The following PLAC8 variants were observed in gnomAD, a reference collection of about 807,000 sequenced individuals.
PLAC8 encodes placenta associated 8.
Under a neutral mutation model 12.6 loss-of-function variants are expected in PLAC8, and 6 were observed. The observed-to-expected ratio is 0.48, with a 90% CI of 0.26 to 0.94. The LOEUF (loss-of-function observed/expected upper bound fraction) is 0.94. PLAC8 is among the 40% of genes least tolerant of loss of function. The pLI is 0.14. For missense variants in PLAC8, 122 were observed against 152.7 expected (o/e 0.80, Z 1.06); for synonymous variants, 54 against 52.6 (o/e 1.03, Z -0.11).
chr4:83,110,284 G>C (rs368845361), intron 1 of PLAC8, among the ~76,000 whole-genome samples: 1 of 145,428 alleles, frequency 6.9e-6, no homozygotes, highest in East Asian at 2.0e-4. Context: ...TTATTAGATG[G>C]ACCCTGGATT....
At chr4:83,104,831 A>C in intron 3 of PLAC8, 65 bp downstream of exon 3, 2 of 1,527,380 alleles carry the variant, frequency 1.3e-6, no homozygotes, top group Admixed American at 1.7e-5. Flanking sequence ...AATGATCTCC[A>C]TGTTTATAAT....
At chr4:83,110,597 C>T (rs1408490904) in intron 1 of PLAC8, among the ~76,000 whole-genome samples, 3 of 152,222 alleles carry the variant, frequency 2.0e-5, no homozygotes, top group Non-Finnish European at 4.4e-5. Flanking sequence ...CCACGCTCTC[C>T]GCTTCCGGGC....
At chr4:83,101,787 A>G (rs976545750) in intron 3 of PLAC8, among the ~76,000 whole-genome samples, 4 of 152,210 alleles carry the variant, frequency 2.6e-5, no homozygotes, top group Non-Finnish European at 5.9e-5. Flanking sequence ...AGCCCTTAAG[A>G]ATTATTCTAA....
rs1056345556 is a variant in PLAC8 at position 83,090,893 on chromosome 4, T to C, written c.*88A>G. Reference sequence around the variant, plus strand: ...TTGTACTTAAGCATATCCATCATATTTCAGTTGCAAAAGATGGTGAAGAAC... The same window carrying C: ...TTGTACTTAAGCATATCCATCATATCTCAGTTGCAAAAGATGGTGAAGAAC... On this transcript the variant is annotated 3_prime_UTR_variant, in exon 5 of 5. Coordinates refer to ENST00000311507, the MANE Select transcript of PLAC8 (RefSeq NM_016619.3). 2.0e-5 allele frequency: 3 copies of C among 152,206 alleles called. No individual in the cohort carries two copies. The highest frequency in any genetic ancestry group is 7.2e-5 in the African/African-American group (3 of 41,452). 9.4% of individuals were successfully genotyped at this position (152,206 alleles called of 1,614,324 possible). A position where few individuals can be genotyped will look rare whatever the true frequency, so the allele number is the denominator to read the frequency against.
intron 4 of PLAC8, chr4:83,094,058 A>G (rs1176565318): frequency 1.3e-5 from 2 of 152,362 alleles, no homozygotes; most frequent in Admixed American, 1.3e-4. Context: ...GGAGTAAGTC[A>G]TGTTGATTTC....
chr4:83,101,311 C>T (rs547797178), intron 3 of PLAC8, among the ~76,000 whole-genome samples: 1 of 152,276 alleles, frequency 6.6e-6, no homozygotes, highest in South Asian at 2.1e-4. Flanking sequence ...ACCCGGGAGG[C>T]AGAGTTTGCA....
chr4:83,099,513 T>C (rs1291434781), intron 3 of PLAC8, among the ~76,000 whole-genome samples: 3 of 152,182 alleles, frequency 2.0e-5, no homozygotes. Flanking sequence ...TGGGGCACCA[T>C]GAACTGCACC....
intron 2 of PLAC8, among the ~76,000 whole-genome samples, chr4:83,105,400 A>T (rs1418184956): frequency 6.6e-6 from 1 of 152,226 alleles, no homozygotes; most frequent in Non-Finnish European, 1.5e-5. Context: ...TGAAATACCA[A>T]CAGGTCACCC....
chr4:83,103,631 C>A (rs780450460), intron 3 of PLAC8, among the ~76,000 whole-genome samples: 1 of 152,092 alleles, frequency 6.6e-6, no homozygotes, highest in East Asian at 1.9e-4. Flanking sequence ...AATGGTCAAT[C>A]AATGAGGCAG....
chr4:83,105,107 C>T (rs779416048), intron 2 of PLAC8, 87 bp from the exon 3 acceptor site: 74 of 1,505,214 alleles, frequency 4.9e-5, no homozygotes, highest in East Asian at 1.8e-4. Flanking sequence ...AATGGCAGTC[C>T]GAGTCATGGG....
intron 3 of PLAC8, among the ~76,000 whole-genome samples, chr4:83,102,074 A>T (rs1216106891): frequency 2.0e-5 from 3 of 152,226 alleles, no homozygotes; most frequent in Non-Finnish European, 4.4e-5. Flanking sequence ...CCTATTCTGC[A>T]GCCAATCAAG....
At chr4:83,096,716 A>T (rs1731940478) in intron 3 of PLAC8, among the ~76,000 whole-genome samples, 1 of 152,224 alleles carries the variant, frequency 6.6e-6, no homozygotes, top group Admixed American at 6.5e-5. Flanking sequence ...TTTGTTTTTT[A>T]AAAATGAGGT....
rs1475823390 is a variant in PLAC8, at chr4:83,107,886, T to C, written c.36A>G (p.Gln12=). 1 of 1,586,746 alleles carries C rather than the reference T, an allele frequency of 6.3e-7. No homozygotes were observed. Among genetic ancestry groups the C allele is most frequent in the South Asian group, 1.1e-5 (1 of 89,852 alleles). The change falls in exon 2 of 5, where the codon CAA becomes CAG. Residue 12 remains glutamine (Q), a synonymous_variant. Transcript: ENST00000311507. The part of the protein sequence containing the change: ...QAQAPVVVVT[Q]PGVGPGPAPQ... ...GGGCCGGACCGGGACCGACTCCAGG[T>C]TGGGTCACAACGACCACCGGCGCCT... is the stretch of plus-strand genomic sequence containing the variant.
At chr4:83,092,079 C>T (rs1027085863) in intron 4 of PLAC8, among the ~76,000 whole-genome samples, 6 of 152,034 alleles carry the variant, frequency 3.9e-5, no homozygotes, top group African/African-American at 1.4e-4. Context: ...ATCTGTTTGT[C>T]TAAAGTTTTA....
intron 4 of PLAC8, among the ~76,000 whole-genome samples, chr4:83,091,543 G>A (rs1049600626): frequency 2.6e-5 from 4 of 152,314 alleles, no homozygotes; most frequent in East Asian, 1.9e-4. Context: ...TGATGGTGAC[G>A]TTGATTACCT....
intron 2 of PLAC8, among the ~76,000 whole-genome samples, chr4:83,106,297 C>G (rs1015027115): frequency 3.3e-5 from 5 of 151,896 alleles, no homozygotes; most frequent in Admixed American, 2.6e-4. Flanking sequence ...CCACGCCCAG[C>G]CTGATTGTAA....
At chr4:83,098,198 A>T (rs1731992170) in intron 3 of PLAC8, among the ~76,000 whole-genome samples, 1 of 152,186 alleles carries the variant, frequency 6.6e-6, no homozygotes, top group South Asian at 2.1e-4. Flanking sequence ...GACTAACGGG[A>T]CGAAACTGAA....
At chr4:83,104,707 C>T (rs960605174) in intron 3 of PLAC8, among the ~76,000 whole-genome samples, 189 bp downstream of exon 3, 1 of 152,176 alleles carries the variant, frequency 6.6e-6, no homozygotes, top group African/African-American at 2.4e-5. Flanking sequence ...CTCAGGTTTT[C>T]AGCAGAAACC....
chr4:83,094,490 T>C lies in PLAC8; in HGVS notation c.*9+188A>G, dbSNP rs1005575130. 6.8e-5 allele frequency: 32 copies of C among 469,874 alleles called. 1 individual carries two copies. The highest frequency in any genetic ancestry group is 9.0e-5 in the Admixed American group (2 of 22,286). 29.1% of individuals were successfully genotyped at this position (469,874 alleles called of 1,614,324 possible). A position where few individuals can be genotyped will look rare whatever the true frequency, so the allele number is the denominator to read the frequency against. ...CATTCCTTTATTTACTAAAATATGG[T>C]TTCAAAGTATAGAGCTATCTTCTTC... On this transcript the variant is annotated intron_variant, in intron 4 of 4. Transcript: ENST00000311507.
Sources: gnomAD v4.1 joint callset for allele counts (sites outside exome capture counted in the v4.1 genomes callset) on GRCh38, gnomAD v4.1.1 for gene constraint, MANE v1.5 for transcripts, NCBI Gene and HGNC (gene_info 2026-07-23, HGNC 2026-07-21) for gene names.